MMP17: variants seen among roughly 807,000 people sequenced by gnomAD.
MMP17 encodes the protein matrix metalloproteinase-17.
MMP17 carries 54 observed loss-of-function variants against 49.1 expected under a neutral mutation model. That is an observed-to-expected ratio of 1.10 (90% CI 0.88 to 1.38). The LOEUF is 1.38. Ranked by LOEUF, MMP17 falls within the 40% of genes most tolerant of loss-of-function variation. The probability of loss-of-function intolerance (pLI) is 0.00; values close to 1 mark genes in which losing one functional copy is unlikely to be tolerated. For missense variants in MMP17, 837 were observed against 853.7 expected, an observed-to-expected ratio of 0.98 and a Z score of 0.24; for synonymous variants, 397 against 383.1, an observed-to-expected ratio of 1.04 and a Z score of -0.42.
chr12:131,838,794 G>T, intron 3 of MMP17, 53 bp downstream of exon 3: 1 of 1,517,292 alleles, frequency 6.6e-7, no homozygotes, highest in South Asian at 1.2e-5. Flanking sequence ...TGGGCGCGTG[G>T]CCAGGGTGAG....
intron 8 of MMP17, 22 bp downstream of exon 8, chr12:131,845,471 A>G (rs774477032): frequency 1.3e-6 from 2 of 1,539,678 alleles, no homozygotes; most frequent in Non-Finnish European, 1.7e-6. Context: ...TCCCCGTCGC[A>G]CTCCGGGCTT....
chr12:131,840,730 C>T lies in MMP17; in HGVS notation c.580C>T (p.His194Tyr), dbSNP rs1418468600. 2 of 1,604,472 alleles carry T rather than the reference C, an allele frequency of 1.2e-6. No homozygotes were observed. Among genetic ancestry groups the T allele is most frequent in the Admixed American group, 3.3e-5 (2 of 60,014 alleles). ...CCAGATCGACTTCTCCAAGGCCGAC[C>T]ATAACGACGGCTACCCCTTCGACGG... ...DIQIDFSKAD[H>Y]NDGYPFDGPG... is the part of the protein sequence containing the mutation. The change falls in exon 4 of 10, where the codon CAT becomes TAT. Residue 194 changes from histidine (H) to tyrosine (Y), a missense_variant. By Grantham distance (83) the His-to-Tyr change is moderately conservative. Transcript: ENST00000360564.
chr12:131,851,302 G>A lies in MMP17; in HGVS notation c.*28G>A, dbSNP rs1353245235. The A allele has an allele frequency of 1.5e-6, 2 of 1,364,636 alleles. No homozygotes were observed. Among genetic ancestry groups the A allele is most frequent in the East Asian group, 3.0e-5 (1 of 33,300 alleles). 84.5% of individuals were successfully genotyped at this position (1,364,636 alleles called of 1,614,324 possible). A position where few individuals can be genotyped will look rare whatever the true frequency, so the allele number is the denominator to read the frequency against. On this transcript the variant is annotated 3_prime_UTR_variant, in exon 10 of 10. Coordinates refer to ENST00000360564, the MANE Select transcript of MMP17 (RefSeq NM_016155.7). ...CACAGCGCGAGCCCATGAGAGGACA[G>A]AGGCGGTGGGACAGCCTGGCCACAG...
chr12:131,838,908 G>A (rs2136321081), intron 3 of MMP17, among the ~76,000 whole-genome samples, 167 bp downstream of exon 3: 1 of 150,880 alleles, frequency 6.6e-6, no homozygotes. Flanking sequence ...CCGTGGAGGT[G>A]GGCGCGTGGC....
Position 131,828,403 on chromosome 12 carries a change from G to A in MMP17, c.-92G>A, listed in dbSNP as rs1479711833. 31 of 754,018 alleles carry A rather than the reference G, an allele frequency of 4.1e-5. No individual in the cohort carries two copies. In the Admixed American group the frequency reaches 8.1e-4, roughly 20 times the overall value. The allele number at this position is 754,018 out of a possible 1,614,324, so 46.7% of individuals were successfully genotyped here. A position where few individuals can be genotyped will look rare whatever the true frequency, so the allele number is the denominator to read the frequency against. The stretch of plus-strand genomic sequence containing the variant: ...TGCCGCGCGGGGCTCAGTCCGGCGG[G>A]GGCGCCGCGGAGAGCGGAGGGCGCC... On this transcript the variant is annotated 5_prime_UTR_variant, in exon 1 of 10. Coordinates refer to ENST00000360564, the MANE Select transcript of MMP17 (RefSeq NM_016155.7).
At position 131,834,656 on chromosome 12, in the gene MMP17, G is replaced by A. The variant is rs549943357; in HGVS notation, c.160-3539G>A. Among the ~76,000 whole-genome samples, 47 of 152,198 alleles carry A rather than the reference G, an allele frequency of 3.1e-4. No individual in the cohort carries two copies. In the South Asian group the frequency reaches 5.0e-3, roughly 16 times the overall value. ...GGCCTGGCGGGAGAGGAGGGGTGGGGAGGGGCAGCCACATTTGCCCTGAGC... is the reference window on the plus strand; with the variant it reads ...GGCCTGGCGGGAGAGGAGGGGTGGGAAGGGGCAGCCACATTTGCCCTGAGC... On this transcript the variant is annotated intron_variant, in intron 1 of 9. Coordinates refer to ENST00000360564, the MANE Select transcript of MMP17 (RefSeq NM_016155.7).
At position 131,843,771 on chromosome 12, in the gene MMP17, T is replaced by C. The variant is rs189617977; in HGVS notation, c.884-226T>C. Among the ~76,000 whole-genome samples, 9 of 152,232 alleles carry C rather than the reference T, an allele frequency of 5.9e-5. No homozygotes were observed. In the East Asian group the frequency reaches 1.7e-3, roughly 29 times the overall value. ...CTTTAGGGTGTACCCCGGGGTGGAA[T>C]TGCAGGGCAGTGCTCACACACTGAG... On this transcript the variant is annotated intron_variant, in intron 5 of 9. Transcript: ENST00000360564.
rs201041842 is a variant in MMP17 at position 131,851,119 on chromosome 12, C to G, written c.1657C>G (p.Arg553Gly). The change falls in exon 10 of 10, where the codon CGC becomes GGC. Residue 553 changes from arginine to glycine, a missense_variant. Transcript: ENST00000360564. ...CCCTCCAGGACAACATGACCAGAGCCGCTCGGAGGACGGTTACGAGGTCTG... is the reference window on the plus strand; with the variant it reads ...CCCTCCAGGACAACATGACCAGAGCGGCTCGGAGGACGGTTACGAGGTCTG... The part of the protein sequence containing the change: ...RAPPGQHDQS[R>G]SEDGYEVCSC... The G allele has an allele frequency of 6.3e-7, 1 of 1,590,478 alleles. No homozygotes were observed. Among genetic ancestry groups the G allele is most frequent in the African/African-American group, 1.3e-5 (1 of 74,146 alleles).
rs561631467 is a variant in MMP17 at position 131,851,346 on chromosome 12, G to A, written c.*72G>A. ...GCCACAGAGGGCAAGGACTGTGCCG[G>A]AGTCCCTGGGGGAGGTGCTGGCGCG... On this transcript the variant is annotated 3_prime_UTR_variant, in exon 10 of 10. Coordinates refer to ENST00000360564, the MANE Select transcript of MMP17 (RefSeq NM_016155.7). The A allele has an allele frequency of 4.5e-5, 58 of 1,281,300 alleles. No homozygotes were observed. The highest frequency in any genetic ancestry group is 5.4e-5 in the Non-Finnish European group (54 of 999,600). The allele number at this position is 1,281,300 out of a possible 1,614,324, so 79.4% of individuals were successfully genotyped here.
rs372530918 is a variant in MMP17 at position 131,843,250 on chromosome 12, G to A, written c.884-747G>A. ...CAAAGTGCTGGGATTATAGGCGTGAGCCACCGCACCTGGCCTCTTTTTTTT... is the reference window on the plus strand; with the variant it reads ...CAAAGTGCTGGGATTATAGGCGTGAACCACCGCACCTGGCCTCTTTTTTTT... On this transcript the variant is annotated intron_variant, in intron 5 of 9. Transcript: ENST00000360564. Among the ~76,000 whole-genome samples, 101 of 148,562 alleles carry A rather than the reference G, an allele frequency of 6.8e-4. 2 individuals are homozygous for A. The highest frequency in any genetic ancestry group is 1.0e-3 in the African/African-American group (41 of 40,000).
At chr12:131,843,177 A>G (rs1887509871) in intron 5 of MMP17, among the ~76,000 whole-genome samples, 1 of 151,484 alleles carries the variant, frequency 6.6e-6, no homozygotes, top group Admixed American at 6.6e-5. Context: ...ACTGTTAGCC[A>G]GGATGGTCTC....
chr12:131,829,193 G>A (rs1886667619), intron 1 of MMP17, among the ~76,000 whole-genome samples: 1 of 152,228 alleles, frequency 6.6e-6, no homozygotes, highest in Non-Finnish European at 1.5e-5. Flanking sequence ...CTCCCCACTG[G>A]ACAAGGACCT....
intron 1 of MMP17, among the ~76,000 whole-genome samples, chr12:131,830,961 AG>A (rs920029474): frequency 1.3e-5 from 2 of 152,156 alleles, no homozygotes; most frequent in Non-Finnish European, 2.9e-5. Flanking sequence ...CGAGCAGCCC[AG>A]GGTCTCCACA....
At position 131,835,440 on chromosome 12, in the gene MMP17, C is replaced by G. The variant is rs377069298; in HGVS notation, c.160-2755C>G. 2.6e-5 allele frequency among the ~76,000 whole-genome samples: 4 copies of G among 152,226 alleles called. No homozygotes were observed. In the East Asian group the frequency reaches 7.7e-4, roughly 29 times the overall value. ...CACTGGGAGTGCTGCCTGCCAGGCC[C>G]GGCTCCACTTTCCTGAAATGCATGT... On this transcript the variant is annotated intron_variant, in intron 1 of 9. Coordinates refer to ENST00000360564, the MANE Select transcript of MMP17 (RefSeq NM_016155.7).
rs1283575823 is a variant in MMP17, at chr12:131,846,045, T to TC, written c.1204+598dup. 6.6e-6 allele frequency among the ~76,000 whole-genome samples: 1 copy of TC among 152,052 alleles called. No individual in the cohort carries two copies. Among genetic ancestry groups the TC allele is most frequent in the African/African-American group, 2.4e-5 (1 of 41,408 alleles). On this transcript the variant is annotated intron_variant, in intron 8 of 9. Transcript: ENST00000360564. This position sits in a 1 kb window ranked among gnomAD's most constrained non-coding sequence, Gnocchi z 4.6. ...TGTTACAGGAAGCACTCCTTTTGCC[T>TC]CCAAGTCTCCGGGAAGGGCAGGAAA...
chr12:131,828,568 T>TGCA lies in MMP17; in HGVS notation c.76_77insAGC (p.Leu25_Leu26insGln). 1 of 184,694 alleles carries TGCA rather than the reference T, an allele frequency of 5.4e-6. No individual in the cohort carries two copies. The highest frequency in any genetic ancestry group is 7.8e-6 in the Non-Finnish European group (1 of 127,898). The allele number at this position is 184,694 out of a possible 1,614,324, so 11.4% of individuals were successfully genotyped here. ...GGACTCTCGCGGCTGCCGCTGCCGC[T>TGCA]GCTGCTGCTGCTGGCGCTGGGGACC... is the stretch of plus-strand genomic sequence containing the variant. On this transcript the variant is annotated inframe_insertion, in exon 1 of 10. Coordinates refer to ENST00000360564, the MANE Select transcript of MMP17 (RefSeq NM_016155.7).
intron 1 of MMP17, among the ~76,000 whole-genome samples, chr12:131,831,331 G>C (rs796890829): frequency 8.6e-5 from 13 of 151,444 alleles, no homozygotes; most frequent in African/African-American, 2.9e-4. Flanking sequence ...CAGCTCCCTT[G>C]ATCTTCTGTA....
At chr12:131,842,185 C>G (rs1344057290) in intron 5 of MMP17, among the ~76,000 whole-genome samples, 2 of 152,198 alleles carry the variant, frequency 1.3e-5, no homozygotes, top group African/African-American at 4.8e-5. Flanking sequence ...CTGGGAAACC[C>G]AAGAGTAGCC....
rs978429805 is a variant in MMP17 at position 131,836,225 on chromosome 12, G to T, written c.160-1970G>T. Among the ~76,000 whole-genome samples, 15 of 152,164 alleles carry T rather than the reference G, an allele frequency of 9.9e-5. 1 individual carries two copies. Among genetic ancestry groups the T allele is most frequent in the African/African-American group, 3.6e-4 (15 of 41,438 alleles). On this transcript the variant is annotated intron_variant, in intron 1 of 9. Transcript: ENST00000360564. ...AGGGGGGCCCCGGGAAGGACTCAGT[G>T]CTTCCTGGAAGGGGGATCTCGGGGT... is the stretch of plus-strand genomic sequence containing the variant.
Sources: allele counts gnomAD v4.1 joint callset (sites outside exome capture counted in the v4.1 genomes callset), GRCh38; gene constraint gnomAD v4.1.1; non-coding constraint Gnocchi (gnomAD v3.1); transcripts MANE v1.5; gene names NCBI Gene and HGNC (gene_info 2026-07-23, HGNC 2026-07-21).